Variants in RP1 observed in about 807,000 individuals in gnomAD.
The protein encoded by RP1 is RP1 axonemal microtubule associated.
RP1 carries 16 observed loss-of-function variants against 14.8 expected under a neutral mutation model. The ratio of observed to expected loss-of-function variants is 1.08; its 90% CI spans 0.73 to 1.65. The LOEUF (loss-of-function observed/expected upper bound fraction) is 1.65. Ranked by LOEUF, RP1 falls within the 40% of genes most tolerant of loss-of-function variation. The pLI is 0.00. For synonymous variants in RP1, 876 were observed against 883.6 expected, an observed-to-expected ratio of 0.99 and a Z score of 0.15; for missense variants, 2,631 against 2,535.0, an observed-to-expected ratio of 1.04 and a Z score of -0.81.
exon 20 of RP1, chr8:54,754,882 G>C: frequency 6.5e-7 from 1 of 1,527,372 alleles, no homozygotes; most frequent in Non-Finnish European, 8.8e-7. Context: ...CAGGCAGATG[G>C]GGATGTTGTC....
chr8:54,792,270 T>C (rs1810481299), intron 24 of RP1, among the ~76,000 whole-genome samples: 1 of 151,888 alleles, frequency 6.6e-6, no homozygotes, highest in South Asian at 2.1e-4. Flanking sequence ...ATAGTAAGGA[T>C]CTTTGATATT....
At chr8:54,656,561 C>T (rs1407554709) in intron 6 of RP1, among the ~76,000 whole-genome samples, 1 of 151,828 alleles carries the variant, frequency 6.6e-6, no homozygotes, top group Admixed American at 6.6e-5. Context: ...TCCCACTGGG[C>T]TCTGCCTCAT....
downstream of RP1, among the ~76,000 whole-genome samples, chr8:54,632,187 A>C (rs565614563): frequency 2.6e-5 from 4 of 152,288 alleles, no homozygotes; most frequent in African/African-American, 7.2e-5. Flanking sequence ...TCTCTAGTGC[A>C]GGGAGACAAG....
intron 24 of RP1, among the ~76,000 whole-genome samples, chr8:54,794,356 G>A (rs1328600943): frequency 6.6e-6 from 1 of 150,998 alleles, no homozygotes; most frequent in African/African-American, 2.4e-5. Flanking sequence ...TATTTTATTG[G>A]CATAAAAGTA....
At chr8:54,838,629 G>A (rs1201383393) in intron 25 of RP1, among the ~76,000 whole-genome samples, 1 of 152,208 alleles carries the variant, frequency 6.6e-6, no homozygotes, top group Non-Finnish European at 1.5e-5. Flanking sequence ...ATGAGTGTGT[G>A]CATGCATGTG....
exon 29 of RP1, chr8:54,870,897 C>T (rs1485904029): frequency 1.3e-5 from 2 of 151,962 alleles, no homozygotes; most frequent in Non-Finnish European, 2.9e-5. Flanking sequence ...GGGATGTGAC[C>T]CTAGAAGTCT....
chr8:54,664,687 TG>T (rs1383339711), intron 7 of RP1, among the ~76,000 whole-genome samples: 2 of 152,202 alleles, frequency 1.3e-5, no homozygotes, highest in Admixed American at 6.5e-5. Context: ...ATATAATCTT[TG>T]GAGAAATGTT....
At position 54,682,003 on chromosome 8, in the gene RP1, T is replaced by C. The variant is rs572601618; in HGVS notation, c.1717+2070T>C. The stretch of plus-strand genomic sequence containing the variant: ...ATTGTGAATAGTGCTGCAGTGAACG[T>C]ACGCAGGCATGTATCTTCATAATAG... On this transcript the variant is annotated intron_variant, in intron 12 of 22. Transcript: ENST00000636932. 3.3e-5 allele frequency among the ~76,000 whole-genome samples: 5 copies of C among 152,244 alleles called. No individual in the cohort carries two copies. In the East Asian group the frequency reaches 7.8e-4, roughly 24 times the overall value.
intron 1 of RP1, among the ~76,000 whole-genome samples, chr8:54,582,184 G>A (rs62514568): frequency 0.2 from 30,038 of 151,394 alleles, 3,364 homozygotes; most frequent in East Asian, 0.36. Flanking sequence ...TTTGTATAAG[G>A]TGTAAGGAAG....
intron 3 of RP1, among the ~76,000 whole-genome samples, chr8:54,642,995 CTCT>C (rs1585577707): frequency 6.6e-6 from 1 of 151,544 alleles, no homozygotes; most frequent in Non-Finnish European, 1.5e-5. Flanking sequence ...CACTTGTGTT[CTCT>C]TTTTTTTTAA....
intron 24 of RP1, among the ~76,000 whole-genome samples, chr8:54,820,956 G>A (rs1811242139): frequency 6.6e-6 from 1 of 152,156 alleles, no homozygotes; most frequent in East Asian, 1.9e-4. Flanking sequence ...CTTAGGCGAA[G>A]CAGCAAGATG....
chr8:54,717,686 G>A (rs959737305), intron 15 of RP1, among the ~76,000 whole-genome samples: 15 of 151,984 alleles, frequency 9.9e-5, no homozygotes, highest in East Asian at 7.7e-4. Flanking sequence ...TTAAGATCAA[G>A]AACAAAGCAA....
At chr8:54,804,984 C>CTTGG (rs1810812924) in intron 24 of RP1, among the ~76,000 whole-genome samples, 1 of 152,260 alleles carries the variant, frequency 6.6e-6, no homozygotes, top group South Asian at 2.1e-4. Context: ...AATACAGATG[C>CTTGG]TTGGGTTTCA....
chr8:54,638,056 G>T (rs1354640465), intron 3 of RP1, among the ~76,000 whole-genome samples: 4 of 152,008 alleles, frequency 2.6e-5, no homozygotes, highest in Non-Finnish European at 5.9e-5. Context: ...CAACATCCTG[G>T]GAATCTCCTT....
chr8:54,776,094 G>T (rs749432825), intron 23 of RP1, among the ~76,000 whole-genome samples: 1 of 152,108 alleles, frequency 6.6e-6, no homozygotes, highest in Non-Finnish European at 1.5e-5. Context: ...TATTTATACA[G>T]CATTTATACT....
intron 1 of RP1, among the ~76,000 whole-genome samples, chr8:54,599,140 C>G (rs1326801795): frequency 1.3e-5 from 2 of 152,030 alleles, no homozygotes; most frequent in South Asian, 2.1e-4. Context: ...TTTTTTCAAT[C>G]TATTTTCTCT....
intron 25 of RP1, among the ~76,000 whole-genome samples, chr8:54,841,906 G>T (rs1255472973): frequency 6.6e-6 from 1 of 152,188 alleles, no homozygotes; most frequent in African/African-American, 2.4e-5. Context: ...CCAGACTTTG[G>T]CAAGTGGTCA....
chr8:54,774,821 C>T (rs1809994311), downstream of RP1, among the ~76,000 whole-genome samples: 1 of 152,100 alleles, frequency 6.6e-6, no homozygotes, highest in Non-Finnish European at 1.5e-5. Flanking sequence ...CCATCAAAAG[C>T]CTACTCCTCA....
Position 54,589,631 on chromosome 8 carries a change from G to A in RP1, c.-13+30311G>A, listed in dbSNP as rs1264791133. Reference sequence around the variant, plus strand: ...TGACTGTTAAGTCTGCACTTTGCTGGCCCTCCCACTTGTCTTCCAGCCTTG... The same window carrying A: ...TGACTGTTAAGTCTGCACTTTGCTGACCCTCCCACTTGTCTTCCAGCCTTG... On this transcript the variant is annotated intron_variant, in intron 1 of 22. Transcript: ENST00000636932. Among the ~76,000 whole-genome samples the A allele has an allele frequency of 6.6e-5, 10 of 152,094 alleles. 1 individual carries two copies. The East Asian group carries it at 1.9e-3, about 29-fold the overall frequency.
Sources: allele counts gnomAD v4.1 joint callset (sites outside exome capture counted in the v4.1 genomes callset), GRCh38; gene constraint gnomAD v4.1.1; transcripts MANE v1.5; gene names NCBI Gene and HGNC (gene_info 2026-07-23, HGNC 2026-07-21).